The following MAPKAPK5 variants were observed in gnomAD, a reference collection of about 807,000 sequenced individuals.
MAPKAPK5 encodes the protein MAP kinase-activated protein kinase 5.
In MAPKAPK5, 30 loss-of-function variants were observed where a neutral mutation model predicts 65.1. That is an observed-to-expected ratio of 0.46 (90% CI 0.34 to 0.63). MAPKAPK5 has a LOEUF of 0.63. Ranked by LOEUF, MAPKAPK5 falls within the 20% of genes least tolerant of loss-of-function variation. The pLI, the probability that MAPKAPK5 is intolerant of heterozygous loss-of-function variation, is 0.01. For missense variants in MAPKAPK5, 433 were observed against 581.4 expected (o/e 0.74, Z 2.63); for synonymous variants, 179 against 204.6 (o/e 0.87, Z 1.07).
intron 1 of MAPKAPK5, among the ~76,000 whole-genome samples, chr12:111,859,386 C>T (rs1253928244): frequency 6.6e-6 from 1 of 151,138 alleles, no homozygotes; most frequent in Non-Finnish European, 1.5e-5. Context: ...TCAAGCGATT[C>T]TCCTGCCTCA....
At chr12:111,874,470 GTT>G (rs79738806) in intron 7 of MAPKAPK5, among the ~76,000 whole-genome samples, 1 of 133,372 alleles carries the variant, frequency 7.5e-6, no homozygotes, top group Admixed American at 7.7e-5. Context: ...TTTGTTTTGG[GTT>G]TTTTTTTTTT....
In MAPKAPK5 at chr12:111,900,125, G is replaced by C. The variant is rs1235020079; in HGVS notation, c.*7064G>C. The C allele has an allele frequency of 4.4e-6, 2 of 455,866 alleles. No homozygotes were observed. The highest frequency in any genetic ancestry group is 8.8e-6 in the Non-Finnish European group (2 of 226,782). The allele number at this position is 455,866 out of a possible 1,614,324, so 28.2% of individuals were successfully genotyped here. A position where few individuals can be genotyped will look rare whatever the true frequency, so the allele number is the denominator to read the frequency against. On this transcript the variant is annotated 3_prime_UTR_variant, in exon 14 of 14. Coordinates refer to ENST00000550735, the MANE Select transcript of MAPKAPK5 (RefSeq NM_003668.4). ...CTGGAATGGAGATTTGGACCGAGGG[G>C]GACCTAATAGATGTCACAGTGGACT...
chr12:111,900,275 CAGT>C lies in MAPKAPK5; in HGVS notation c.*7215_*7217del. Reference sequence around the variant, plus strand: ...GACAGAATATGGGCCAGGCCTTTCTCAGTGGTGCCTGCTCAAGCGGTTTTGCGG... The same window carrying C: ...GACAGAATATGGGCCAGGCCTTTCTCGGTGCCTGCTCAAGCGGTTTTGCGG... On this transcript the variant is annotated 3_prime_UTR_variant, in exon 14 of 14. Transcript: ENST00000550735. The C allele has an allele frequency of 2.2e-6, 1 of 456,070 alleles. No homozygotes were observed. The highest frequency in any genetic ancestry group is 4.4e-6 in the Non-Finnish European group (1 of 226,814). The allele number at this position is 456,070 out of a possible 1,614,324, so 28.3% of individuals were successfully genotyped here. A position where few individuals can be genotyped will look rare whatever the true frequency, so the allele number is the denominator to read the frequency against.
Position 111,899,965 on chromosome 12 carries a change from A to G in MAPKAPK5, c.*6904A>G. ...TTGTGGTCACACAAAAAGTACGTGG[A>G]GATGTTTGTCGTGGTCAACAACCAG... On this transcript the variant is annotated 3_prime_UTR_variant, in exon 14 of 14. Transcript: ENST00000550735. 1 of 456,092 alleles carries G rather than the reference A, an allele frequency of 2.2e-6. No homozygotes were observed. 28.3% of individuals were successfully genotyped at this position (456,092 alleles called of 1,614,324 possible). A position where few individuals can be genotyped will look rare whatever the true frequency, so the allele number is the denominator to read the frequency against.
intron 1 of MAPKAPK5, among the ~76,000 whole-genome samples, chr12:111,862,709 G>C (rs1291566818): frequency 6.6e-6 from 1 of 152,106 alleles, no homozygotes. Context: ...AAAAAAATAA[G>C]TACAATGGAG....
chr12:111,876,875 A>G (rs1363013659), intron 7 of MAPKAPK5, among the ~76,000 whole-genome samples: 1 of 150,422 alleles, frequency 6.6e-6, no homozygotes, highest in African/African-American at 2.5e-5. Context: ...ACTGTTTTCC[A>G]TAGTGGTCAT....
At position 111,883,814 on chromosome 12, in the gene MAPKAPK5, G is replaced by T; in HGVS notation, c.848+46G>T. Reference sequence around the variant, plus strand: ...GCATGGAGGCCAAGGAGGCCTCCAGGTGGTGGAGCACAAGGGAATGTGGGT... The same window carrying T: ...GCATGGAGGCCAAGGAGGCCTCCAGTTGGTGGAGCACAAGGGAATGTGGGT... On this transcript the variant is annotated intron_variant, in intron 9 of 13. Transcript: ENST00000550735. The surrounding 1 kb of genome is among the most constrained non-coding windows in gnomAD (Gnocchi z 4.8). The T allele has an allele frequency of 6.3e-7, 1 of 1,587,584 alleles. No individual in the cohort carries two copies. Among genetic ancestry groups the T allele is most frequent in the Non-Finnish European group, 8.6e-7 (1 of 1,166,864 alleles).
chr12:111,878,186 A>G (rs920417837), intron 7 of MAPKAPK5, among the ~76,000 whole-genome samples: 6 of 151,938 alleles, frequency 3.9e-5, no homozygotes, highest in African/African-American at 1.4e-4. Flanking sequence ...AAACTTTTTT[A>G]AGGCCTGTGC....
intron 7 of MAPKAPK5, among the ~76,000 whole-genome samples, chr12:111,874,662 C>T (rs1378758407): frequency 1.3e-5 from 2 of 149,830 alleles, no homozygotes; most frequent in Non-Finnish European, 3.0e-5. Flanking sequence ...AGGGTTTCAC[C>T]ATGTTGGCCA....
chr12:111,865,488 TTTAGGAATTAG>T (rs1488855625), intron 2 of MAPKAPK5, among the ~76,000 whole-genome samples, 165 bp downstream of exon 2: 1 of 152,170 alleles, frequency 6.6e-6, no homozygotes, highest in Non-Finnish European at 1.5e-5. Flanking sequence ...TTCTCATGTA[TTTAGGAATTAG>T]TTAAGAGTGA....
rs570209091 is a variant in MAPKAPK5 at position 111,854,025 on chromosome 12, A to G, written c.37-11225A>G. On this transcript the variant is annotated intron_variant, in intron 1 of 13. Transcript: ENST00000550735. ...CACTCAGACCCACTTAGTCTGGTGT[A>G]GAATCATTCTTACATGTTGCTAGTT... Among the ~76,000 whole-genome samples the G allele has an allele frequency of 2.0e-5, 3 of 152,298 alleles. No homozygotes were observed. The South Asian group carries it at 6.2e-4, about 32-fold the overall frequency.
chr12:111,884,077 C>T (rs2070324448), intron 9 of MAPKAPK5, among the ~76,000 whole-genome samples: 1 of 152,148 alleles, frequency 6.6e-6, no homozygotes, highest in Admixed American at 6.5e-5. Context: ...GTCCTTCTTA[C>T]CTGTGAGCTG....
intron 7 of MAPKAPK5, among the ~76,000 whole-genome samples, chr12:111,878,824 A>C (rs2070089486): frequency 6.6e-6 from 1 of 152,190 alleles, no homozygotes. Context: ...ATCATGGAGC[A>C]TATATGTGTG....
At chr12:111,882,096 G>C (rs1017848102) in intron 8 of MAPKAPK5, among the ~76,000 whole-genome samples, 1 of 151,936 alleles carries the variant, frequency 6.6e-6, no homozygotes, top group Non-Finnish European at 1.5e-5. Flanking sequence ...GAAAACATGG[G>C]CAGGCCTGGC....
Position 111,870,438 on chromosome 12 carries a change from G to A in MAPKAPK5, c.483+78G>A, listed in dbSNP as rs1034082305. 28 of 1,179,702 alleles carry A rather than the reference G, an allele frequency of 2.4e-5. No homozygotes were observed. In the South Asian group the frequency reaches 3.5e-4, roughly 15 times the overall value. The allele number at this position is 1,179,702 out of a possible 1,614,324, so 73.1% of individuals were successfully genotyped here. ...GGAGTGGGTGTGTTTGGAGCGCTCT[G>A]AATTCATGGTGAAAAAGCTTTAAGC... is the stretch of plus-strand genomic sequence containing the variant. On this transcript the variant is annotated intron_variant, in intron 6 of 13. Coordinates refer to ENST00000550735, the MANE Select transcript of MAPKAPK5 (RefSeq NM_003668.4).
chr12:111,879,348 G>T (rs1373197618), intron 7 of MAPKAPK5: 1 of 149,338 alleles, frequency 6.7e-6, no homozygotes, highest in African/African-American at 2.5e-5. Context: ...GGTGGTCGTG[G>T]TTAGAGCCCA....
At chr12:111,868,710 T>C (rs1444125255) in intron 4 of MAPKAPK5, 43 bp from the exon 5 acceptor site, 3 of 614,156 alleles carry the variant, frequency 4.9e-6, no homozygotes, top group Non-Finnish European at 4.5e-6. Context: ...TTCTTTTTCT[T>C]TTTTTTTTTT....
chr12:111,872,532 C>T (rs2069817081), intron 7 of MAPKAPK5, among the ~76,000 whole-genome samples: 1 of 152,132 alleles, frequency 6.6e-6, no homozygotes, highest in Non-Finnish European at 1.5e-5. Context: ...ATGTTGTATT[C>T]TTACTGCTGC....
chr12:111,877,263 C>T (rs1185706955), intron 7 of MAPKAPK5, among the ~76,000 whole-genome samples: 1 of 152,150 alleles, frequency 6.6e-6, no homozygotes. Context: ...AGGTGATCCA[C>T]TCGCCTTGAC....
Sources: gnomAD v4.1 joint callset for allele counts (sites outside exome capture counted in the v4.1 genomes callset) on GRCh38, gnomAD v4.1.1 for gene constraint, Gnocchi (gnomAD v3.1) non-coding constraint, MANE v1.5 for transcripts, NCBI Gene and HGNC (gene_info 2026-07-23, HGNC 2026-07-21) for gene names.